Variants in PREP observed in about 807,000 individuals in gnomAD.
The protein encoded by PREP is prolyl endopeptidase.
In PREP, 29 loss-of-function variants were observed where a neutral mutation model predicts 87.6. That is an observed-to-expected ratio of 0.33 (90% CI 0.25 to 0.45). The LOEUF (loss-of-function observed/expected upper bound fraction) is 0.45. Ranked by LOEUF, PREP falls within the 20% of genes least tolerant of loss-of-function variation. The pLI is 1.00. For missense variants in PREP, 695 were observed against 886.5 expected, an observed-to-expected ratio of 0.78 and a Z score of 2.74; for synonymous variants, 337 against 328.6, an observed-to-expected ratio of 1.03 and a Z score of -0.28.
intron 2 of PREP, among the ~76,000 whole-genome samples, chr6:105,396,185 A>T (rs748002431): frequency 5.9e-5 from 9 of 152,168 alleles, no homozygotes; most frequent in Non-Finnish European, 1.3e-4. Context: ...ATTCTCATCC[A>T]TGAGATCTTT....
intron 11 of PREP, among the ~76,000 whole-genome samples, chr6:105,288,479 G>GAGT (rs1420781741): frequency 6.6e-6 from 1 of 152,128 alleles, no homozygotes; most frequent in African/African-American, 2.4e-5. Flanking sequence ...TTAGCCTCCT[G>GAGT]AGTAGCTGGG....
rs577861218 is a variant in PREP, at chr6:105,322,900, C to T, written c.1317+765G>A. 1.0e-4 allele frequency: 124 copies of T among 1,181,778 alleles called. 1 individual carries two copies. In the African/African-American group the frequency reaches 1.7e-3, roughly 16 times the overall value. 73.2% of individuals were successfully genotyped at this position (1,181,778 alleles called of 1,614,324 possible). On this transcript the variant is annotated intron_variant, in intron 10 of 14. Coordinates refer to ENST00000652536, the MANE Select transcript of PREP (RefSeq NM_002726.5). ...AGTTTCACAGAAACATTGTGGGGAA[C>T]ATCCAGCGCTCTTTATTCTCATCTT...
At chr6:105,353,346 T>C (rs1226605903) in intron 6 of PREP, among the ~76,000 whole-genome samples, 1 of 152,230 alleles carries the variant, frequency 6.6e-6, no homozygotes, top group Non-Finnish European at 1.5e-5. Context: ...TTCAATGTAA[T>C]TTTTATTTTA....
chr6:105,382,552 C>T (rs1413327970), intron 2 of PREP, among the ~76,000 whole-genome samples: 2 of 152,058 alleles, frequency 1.3e-5, no homozygotes, highest in East Asian at 1.9e-4. Context: ...CATCTTTTTA[C>T]AATTCTTACA....
intron 12 of PREP, among the ~76,000 whole-genome samples, chr6:105,283,054 C>T (rs187393657): frequency 1.5e-3 from 225 of 152,334 alleles, no homozygotes; most frequent in African/African-American, 4.8e-3. Flanking sequence ...GAGGTGGAAG[C>T]GCTCTGCAGA....
chr6:105,323,868 A>G, intron 9 of PREP, 100 bp from the exon 10 acceptor site: 5 of 993,330 alleles, frequency 5.0e-6, no homozygotes, highest in Middle Eastern at 4.2e-4. Flanking sequence ...ATGGCAAGAG[A>G]GGATCATTTA....
chr6:105,401,208 G>GTAGGATTTAGGC (rs1773421781), intron 1 of PREP, among the ~76,000 whole-genome samples: 1 of 152,208 alleles, frequency 6.6e-6, no homozygotes, highest in Non-Finnish European at 1.5e-5. Context: ...TAAACAAACT[G>GTAGGATTTAGGC]TAGGATTTAG....
rs138255878 is a variant in PREP at position 105,280,155 on chromosome 6, G to A, written c.1838+1591C>T. On this transcript the variant is annotated intron_variant, in intron 14 of 14. Coordinates refer to ENST00000652536, the MANE Select transcript of PREP (RefSeq NM_002726.5). ...GAGCAAACTTTAGAAACTTGGCCGT[G>A]TGCGGTGGTGCGCACCTGTCGTCCC... Among the ~76,000 whole-genome samples the A allele has an allele frequency of 6.9e-4, 105 of 152,302 alleles. 1 individual carries two copies. Among genetic ancestry groups the A allele is most frequent in the African/African-American group, 2.5e-3 (103 of 41,586 alleles).
chr6:105,347,237 C>T (rs80102752), intron 7 of PREP, among the ~76,000 whole-genome samples: 8,442 of 152,200 alleles, frequency 0.055, 236 homozygotes, highest in Middle Eastern at 0.088. Context: ...GGCCACAGCC[C>T]GTCAGACACT....
In PREP at chr6:105,274,910, T is replaced by A. The variant is rs1441168169; in HGVS notation, c.*3234A>T. ...AAGGTTGTGTGAGGACAAACATTCA[T>A]CCACACAGAGTGCTTGCAGCGGGTG... On this transcript the variant is annotated 3_prime_UTR_variant, in exon 15 of 15. Transcript: ENST00000652536. Among the ~76,000 whole-genome samples, 1 of 152,172 alleles carries A rather than the reference T, an allele frequency of 6.6e-6. No homozygotes were observed. Among genetic ancestry groups the A allele is most frequent in the Non-Finnish European group, 1.5e-5 (1 of 68,022 alleles).
chr6:105,396,423 C>A (rs1773286233), intron 2 of PREP, among the ~76,000 whole-genome samples: 1 of 152,174 alleles, frequency 6.6e-6, no homozygotes, highest in African/African-American at 2.4e-5. Context: ...AAGAGATGAT[C>A]ATGTGGTTTA....
At chr6:105,303,620 C>T (rs554361962) in intron 10 of PREP, among the ~76,000 whole-genome samples, 1 of 152,288 alleles carries the variant, frequency 6.6e-6, no homozygotes, top group South Asian at 2.1e-4. Context: ...CAGGCAGGTT[C>T]ATCCTTTGCT....
chr6:105,324,821 A>G (rs1234247349), intron 9 of PREP, among the ~76,000 whole-genome samples: 1 of 152,228 alleles, frequency 6.6e-6, no homozygotes, highest in East Asian at 1.9e-4. Flanking sequence ...GGAGTAATAC[A>G]TTTAGATCCG....
chr6:105,390,073 T>C (rs960893201), intron 2 of PREP, among the ~76,000 whole-genome samples: 9 of 152,098 alleles, frequency 5.9e-5, no homozygotes, highest in Non-Finnish European at 1.0e-4. Flanking sequence ...TCCTTTAAGG[T>C]TTAAATCTTT....
intron 2 of PREP, among the ~76,000 whole-genome samples, chr6:105,386,144 T>C (rs1309664888): frequency 2.6e-5 from 4 of 152,042 alleles, no homozygotes; most frequent in Admixed American, 6.6e-5. Context: ...AAAACCAACA[T>C]GACCAATGTC....
intron 7 of PREP, among the ~76,000 whole-genome samples, chr6:105,342,618 G>A (rs1420980324): frequency 1.3e-5 from 2 of 152,174 alleles, no homozygotes; most frequent in Non-Finnish European, 2.9e-5. Flanking sequence ...TGACACGATT[G>A]TATATTTAGA....
Position 105,317,377 on chromosome 6 carries a change from G to A in PREP, c.1317+6288C>T, listed in dbSNP as rs138227798. Among the ~76,000 whole-genome samples the A allele has an allele frequency of 4.0e-3, 612 of 152,252 alleles. 8 individuals carry two copies. Among genetic ancestry groups the A allele is most frequent in the African/African-American group, 0.014 (583 of 41,542 alleles). ...AGTTGTAAGTTCTAGTCTTGGCTCT[G>A]TCAACTGTTAACAGTGTAACCTCTG... On this transcript the variant is annotated intron_variant, in intron 10 of 14. Coordinates refer to ENST00000652536, the MANE Select transcript of PREP (RefSeq NM_002726.5).
At chr6:105,308,061 C>G (rs1262297259) in intron 10 of PREP, among the ~76,000 whole-genome samples, 1 of 151,978 alleles carries the variant, frequency 6.6e-6, no homozygotes, top group East Asian at 1.9e-4. Flanking sequence ...CTCACTTAGA[C>G]TAATGCAGCA....
chr6:105,275,850 C>G lies in PREP; in HGVS notation c.*2294G>C, dbSNP rs575303795. ...GCCAGGCACAGGAAGACAAATATCC[C>G]ATGTTCTCCACTCATGTGGGAGCTA... On this transcript the variant is annotated 3_prime_UTR_variant, in exon 15 of 15. Transcript: ENST00000652536. 6.6e-6 allele frequency among the ~76,000 whole-genome samples: 1 copy of G among 152,300 alleles called. No individual in the cohort carries two copies. Among genetic ancestry groups the G allele is most frequent in the African/African-American group, 2.4e-5 (1 of 41,554 alleles).
Sources: gnomAD v4.1 joint callset for allele counts (sites outside exome capture counted in the v4.1 genomes callset) on GRCh38, gnomAD v4.1.1 for gene constraint, MANE v1.5 for transcripts, NCBI Gene and HGNC (gene_info 2026-07-23, HGNC 2026-07-21) for gene names.